The following SCARB1 variants were observed in gnomAD, a reference collection of about 807,000 sequenced individuals.
SCARB1 encodes CD36 and LIMPII analogous 1.
Under a neutral mutation model 57.2 loss-of-function variants are expected in SCARB1, and 30 were observed. The ratio of observed to expected loss-of-function variants is 0.52; its 90% CI spans 0.39 to 0.71. The LOEUF (loss-of-function observed/expected upper bound fraction) is 0.71, where lower values mean the gene tolerates loss of function less well. Among genes scored for constraint, SCARB1 ranks in the 30% least tolerant of loss-of-function variants. The pLI, the probability that SCARB1 is intolerant of heterozygous loss-of-function variation, is 0.00. For synonymous variants in SCARB1, 249 were observed against 268.3 expected (o/e 0.93, Z 0.70); for missense variants, 543 against 671.2 (o/e 0.81, Z 2.11).
chr12:124,790,904 G>C (rs1048376138), intron 9 of SCARB1, among the ~76,000 whole-genome samples: 1 of 152,226 alleles, frequency 6.6e-6, no homozygotes, highest in Non-Finnish European at 1.5e-5. Context: ...GCCTGGATTC[G>C]GGAGGCCTCC....
intron 10 of SCARB1, 60 bp from the exon 11 acceptor site, chr12:124,786,563 G>C (rs1228960670): frequency 2.5e-6 from 4 of 1,602,054 alleles, no homozygotes; most frequent in South Asian, 1.1e-5. Flanking sequence ...CTACAGCGCA[G>C]ATGCCACCCA....
intron 1 of SCARB1, among the ~76,000 whole-genome samples, chr12:124,845,070 C>A (rs557514855): frequency 3.0e-4 from 45 of 152,022 alleles, no homozygotes; most frequent in African/African-American, 1.1e-3. Context: ...GACGCAGCCA[C>A]ACAGAGGATG....
At chr12:124,861,096 C>T (rs149084455) in intron 1 of SCARB1, among the ~76,000 whole-genome samples, 1 of 152,092 alleles carries the variant, frequency 6.6e-6, no homozygotes, top group Non-Finnish European at 1.5e-5. Flanking sequence ...CTTTTTTTTA[C>T]GAGCAAGTAT....
At chr12:124,824,133 G>C (rs1361094668) in intron 1 of SCARB1, among the ~76,000 whole-genome samples, 4 of 148,202 alleles carry the variant, frequency 2.7e-5, no homozygotes, top group African/African-American at 1.0e-4. Flanking sequence ...CCGAGATCGC[G>C]CCGCTGCACT....
At position 124,819,885 on chromosome 12, in the gene SCARB1, T is replaced by C. The variant is rs577913288; in HGVS notation, c.127-2178A>G. The stretch of plus-strand genomic sequence containing the variant: ...AAGTCAGCCCCTGTGAACCTCAAGT[T>C]TCTCATCTGTACGAAGGAGCTAGTG... On this transcript the variant is annotated intron_variant, in intron 1 of 12. Transcript: ENST00000261693. 1.9e-4 allele frequency among the ~76,000 whole-genome samples: 29 copies of C among 152,336 alleles called. No individual in the cohort carries two copies. The South Asian group carries it at 4.8e-3, about 25-fold the overall frequency.
chr12:124,843,565 T>C (rs755876646), intron 1 of SCARB1, among the ~76,000 whole-genome samples: 1 of 152,098 alleles, frequency 6.6e-6, no homozygotes, highest in Non-Finnish European at 1.5e-5. Context: ...CCTGCACACA[T>C]AGTGCTGGTC....
chr12:124,798,459 T>C (rs978440590), intron 8 of SCARB1, among the ~76,000 whole-genome samples: 6 of 151,948 alleles, frequency 3.9e-5, no homozygotes, highest in African/African-American at 1.5e-4. Context: ...TGTGACAACA[T>C]GACGGACCTG....
At position 124,851,608 on chromosome 12, in the gene SCARB1, ATTT is replaced by A. The variant is rs5801574; in HGVS notation, c.126+11984_126+11986del. ...AACAAAGTGAAACATAAAGGATTCC[ATTT>A]TTTTTTTTTTTTTTTTGAGATGGAG... On this transcript the variant is annotated intron_variant, in intron 1 of 12. Coordinates refer to ENST00000261693, the MANE Select transcript of SCARB1 (RefSeq NM_005505.5). Among the ~76,000 whole-genome samples, 366 of 128,064 alleles carry A rather than the reference ATTT, an allele frequency of 2.9e-3. 2 individuals are homozygous for A. The highest frequency in any genetic ancestry group is 0.01 in the African/African-American group (340 of 33,134). 84.0% of individuals were successfully genotyped at this position (128,064 alleles called of 152,430 possible).
rs550712291 is a variant in SCARB1, at chr12:124,815,605, C to A, written c.285-491G>T. ...ATCAGGTCGGGAGCAGTGGCTCATG[C>A]CTGTAAACCCAGCACTTTGGGAGGC... On this transcript the variant is annotated intron_variant, in intron 2 of 12. Transcript: ENST00000261693. Among the ~76,000 whole-genome samples the A allele has an allele frequency of 2.6e-5, 4 of 152,332 alleles. No homozygotes were observed. The East Asian group carries it at 5.8e-4, about 22-fold the overall frequency.
chr12:124,837,132 G>A (rs1951680509), intron 1 of SCARB1, among the ~76,000 whole-genome samples: 3 of 152,142 alleles, frequency 2.0e-5, no homozygotes, highest in African/African-American at 4.8e-5. Context: ...CCTGCATGAC[G>A]GGAACTCCAG....
Position 124,815,074 on chromosome 12 carries a change from CGTT to C in SCARB1, c.322_324del (p.Asn108del). ...CGGTACTCGAGGAAGGACACGGTGTCGTTGTTGTTGAAGGTGATGTTGCTTTTG... is the reference window on the plus strand; with the variant it reads ...CGGTACTCGAGGAAGGACACGGTGTCGTTGTTGAAGGTGATGTTGCTTTTG... On this transcript the variant is annotated inframe_deletion, in exon 3 of 13. Transcript: ENST00000261693. 6.2e-7 allele frequency: 1 copy of C among 1,614,072 alleles called. No homozygotes were observed. The highest frequency in any genetic ancestry group is 1.1e-5 in the South Asian group (1 of 91,070).
At position 124,817,374 on chromosome 12, in the gene SCARB1, A is replaced by C. The variant is rs867721874; in HGVS notation, c.284+176T>G. Among the ~76,000 whole-genome samples, 1,752 of 150,528 alleles carry C rather than the reference A, an allele frequency of 0.012. 48 individuals are homozygous for C. Among genetic ancestry groups the C allele is most frequent in the African/African-American group, 0.041 (1,649 of 40,714 alleles). The stretch of plus-strand genomic sequence containing the variant: ...TCTCTAAAAAAAAAAAAAAAAAAAA[A>C]AAAAACCCTAAAACAAAAACTTCTC... On this transcript the variant is annotated intron_variant, in intron 2 of 12. Coordinates refer to ENST00000261693, the MANE Select transcript of SCARB1 (RefSeq NM_005505.5). This position sits in a 1 kb window ranked among gnomAD's most constrained non-coding sequence, Gnocchi z 4.8.
At position 124,786,509 on chromosome 12, in the gene SCARB1, G is replaced by GA; in HGVS notation, c.1255-7dup. On this transcript the variant is annotated splice_polypyrimidine_tract_variant and splice_region_variant and intron_variant, in intron 10 of 12. Coordinates refer to ENST00000261693, the MANE Select transcript of SCARB1 (RefSeq NM_005505.5). ...TCCCCCTCCATGGCCCCGCTCTGAG[G>GA]AGACAGAATGACAAACACATGAGCT... 1 of 1,613,928 alleles carries GA rather than the reference G, an allele frequency of 6.2e-7. No individual in the cohort carries two copies. The highest frequency in any genetic ancestry group is 8.5e-7 in the Non-Finnish European group (1 of 1,180,036).
At chr12:124,858,842 G>A (rs1952757526) in intron 1 of SCARB1, among the ~76,000 whole-genome samples, 1 of 151,100 alleles carries the variant, frequency 6.6e-6, no homozygotes, top group Admixed American at 6.6e-5. Flanking sequence ...TCGCACCACT[G>A]CACTCCAGCC....
chr12:124,821,741 C>A (rs1012199323), intron 1 of SCARB1, among the ~76,000 whole-genome samples: 6 of 152,118 alleles, frequency 3.9e-5, no homozygotes, highest in Admixed American at 2.6e-4. Flanking sequence ...GTCTGAAGAC[C>A]CCGGGCACCA....
chr12:124,839,164 C>G, intron 1 of SCARB1: 1 of 443,720 alleles, frequency 2.3e-6, no homozygotes, highest in South Asian at 1.6e-5. Context: ...CTAAAGAACT[C>G]TTTCATCTTG....
intron 1 of SCARB1, among the ~76,000 whole-genome samples, chr12:124,859,546 A>T (rs1203836411): frequency 6.6e-6 from 1 of 152,222 alleles, no homozygotes; most frequent in Non-Finnish European, 1.5e-5. Context: ...AGAAAAAAAA[A>T]AATAGCATTA....
chr12:124,837,924 TAAAC>T (rs1951757286), intron 1 of SCARB1, among the ~76,000 whole-genome samples: 1 of 152,154 alleles, frequency 6.6e-6, no homozygotes, highest in East Asian at 1.9e-4. Flanking sequence ...TAAAAATAAA[TAAAC>T]AAACAATTGA....
intron 1 of SCARB1, among the ~76,000 whole-genome samples, chr12:124,837,348 C>A (rs1391254848): frequency 4.6e-5 from 7 of 151,844 alleles, no homozygotes; most frequent in Admixed American, 4.6e-4. Context: ...GGACCAAATC[C>A]AGCCTGATGC....
Sources: allele counts gnomAD v4.1 joint callset (sites outside exome capture counted in the v4.1 genomes callset), GRCh38; gene constraint gnomAD v4.1.1; non-coding constraint Gnocchi (gnomAD v3.1); transcripts MANE v1.5; gene names NCBI Gene and HGNC (gene_info 2026-07-23, HGNC 2026-07-21).